The following VTI1A variants were observed in gnomAD, a reference collection of about 807,000 sequenced individuals.
VTI1A encodes vesicle transport through interaction with t-SNAREs homolog 1A.
In VTI1A, 22 loss-of-function variants were observed where a neutral mutation model predicts 34.9. The ratio of observed to expected loss-of-function variants is 0.63; its 90% CI spans 0.45 to 0.90. VTI1A has a LOEUF of 0.90. Among genes scored for constraint, VTI1A ranks in the 40% least tolerant of loss-of-function variants. VTI1A has a pLI of 0.00. For missense variants in VTI1A, 268 were observed against 275.6 expected, an observed-to-expected ratio of 0.97 and a Z score of 0.20; for synonymous variants, 87 against 97.3, an observed-to-expected ratio of 0.89 and a Z score of 0.62.
chr10:112,727,144 C>A (rs1400127861), intron 7 of VTI1A, among the ~76,000 whole-genome samples: 1 of 152,002 alleles, frequency 6.6e-6, no homozygotes. Context: ...TGCAAAAAGG[C>A]CCCCCCATCA....
At chr10:112,851,286 GATA>G in the VTI1A span, among the ~76,000 whole-genome samples, 28 of 152,162 alleles carry the variant, frequency 1.8e-4, no homozygotes, top group Non-Finnish European at 1.3e-4. Flanking sequence ...TTAGGGCAAT[GATA>G]ATGATTGAAA....
chr10:112,848,176 C>T, the VTI1A span, among the ~76,000 whole-genome samples: 1 of 152,232 alleles, frequency 6.6e-6, no homozygotes, highest in East Asian at 1.9e-4. Context: ...CCAGCTCTCC[C>T]AATCCCCTCC....
At chr10:112,502,738 T>G (rs1366875097) in intron 3 of VTI1A, among the ~76,000 whole-genome samples, 1 of 152,200 alleles carries the variant, frequency 6.6e-6, no homozygotes, top group East Asian at 1.9e-4. Context: ...GTCCCCAGCT[T>G]CCTCAAGGAT....
rs573119103 is a variant in VTI1A, at chr10:112,470,402, A to G, written c.264+5745A>G. On this transcript the variant is annotated intron_variant, in intron 3 of 7. Coordinates refer to ENST00000393077, the MANE Select transcript of VTI1A (RefSeq NM_145206.4). ...AAAGTAAGAGACTCAAAGTAGGGCC[A>G]CATAACTGAAGCTTTTATACTGTAG... is the stretch of plus-strand genomic sequence containing the variant. Among the ~76,000 whole-genome samples, 22 of 152,302 alleles carry G rather than the reference A, an allele frequency of 1.4e-4. 1 individual carries two copies. The South Asian group carries it at 2.5e-3, about 17-fold the overall frequency.
Position 112,815,580 on chromosome 10 carries a change from G to T in VTI1A, c.*197G>T. 1.7e-6 allele frequency: 1 copy of T among 575,322 alleles called. No individual in the cohort carries two copies. The highest frequency in any genetic ancestry group is 3.1e-6 in the Non-Finnish European group (1 of 321,200). 35.6% of individuals were successfully genotyped at this position (575,322 alleles called of 1,614,324 possible). A position where few individuals can be genotyped will look rare whatever the true frequency, so the allele number is the denominator to read the frequency against. On this transcript the variant is annotated 3_prime_UTR_variant, in exon 8 of 8. Coordinates refer to ENST00000393077, the MANE Select transcript of VTI1A (RefSeq NM_145206.4). Reference sequence around the variant, plus strand: ...GCATGTGGGTTGGTTTCCTTTTCGAGGTTTGTCTTCACCCAGATTCGTTTT... The same window carrying T: ...GCATGTGGGTTGGTTTCCTTTTCGATGTTTGTCTTCACCCAGATTCGTTTT...
chr10:112,666,196 T>C (rs1000694101), intron 5 of VTI1A, among the ~76,000 whole-genome samples: 1 of 152,182 alleles, frequency 6.6e-6, no homozygotes, highest in Non-Finnish European at 1.5e-5. Context: ...GCCACATATC[T>C]TACCCAATTT....
At chr10:112,653,238 G>C (rs1847103793) in intron 5 of VTI1A, among the ~76,000 whole-genome samples, 1 of 152,198 alleles carries the variant, frequency 6.6e-6, no homozygotes, top group Non-Finnish European at 1.5e-5. Flanking sequence ...AAGTCAGCGA[G>C]AATCAGCCTT....
chr10:112,569,611 A>G (rs1852043116), intron 5 of VTI1A, among the ~76,000 whole-genome samples: 1 of 152,222 alleles, frequency 6.6e-6, no homozygotes, highest in Non-Finnish European at 1.5e-5. Context: ...ATAACTGTAC[A>G]TTAGTGAGGA....
intron 3 of VTI1A, among the ~76,000 whole-genome samples, chr10:112,486,444 G>T (rs748182367): frequency 6.6e-6 from 1 of 152,068 alleles, no homozygotes; most frequent in Non-Finnish European, 1.5e-5. Context: ...ACATGGAAAA[G>T]ACACATTTGG....
At chr10:112,570,576 A>G (rs185742845) in intron 5 of VTI1A, among the ~76,000 whole-genome samples, 121 of 152,350 alleles carry the variant, frequency 7.9e-4, no homozygotes, top group Non-Finnish European at 1.5e-3. Flanking sequence ...AAAGATAGCT[A>G]TTTTAATGAA....
At position 112,697,254 on chromosome 10, in the gene VTI1A, C is replaced by T. The variant is rs188694878; in HGVS notation, c.560+28256C>T. 8.0e-5 allele frequency among the ~76,000 whole-genome samples: 12 copies of T among 150,636 alleles called. No homozygotes were observed. The East Asian group carries it at 1.6e-3, about 20-fold the overall frequency. ...TGTTACCCAGGCTGGAGTGCAATGG[C>T]GCTGTCTCGGCACTCTGCAACCTCC... On this transcript the variant is annotated intron_variant, in intron 7 of 7. Transcript: ENST00000393077.
chr10:112,716,238 A>G (rs1183397982), intron 7 of VTI1A, among the ~76,000 whole-genome samples: 1 of 152,154 alleles, frequency 6.6e-6, no homozygotes, highest in African/African-American at 2.4e-5. Flanking sequence ...AGAGCAAGGA[A>G]TATTTGAAAT....
At chr10:112,802,027 C>T (rs887221891) in intron 7 of VTI1A, among the ~76,000 whole-genome samples, 4 of 152,118 alleles carry the variant, frequency 2.6e-5, no homozygotes, top group Non-Finnish European at 2.9e-5. Context: ...GCAGGAGGAT[C>T]GCTGGAGCCC....
chr10:112,664,284 G>T (rs565851113), intron 5 of VTI1A, among the ~76,000 whole-genome samples: 1 of 152,114 alleles, frequency 6.6e-6, no homozygotes, highest in African/African-American at 2.4e-5. Flanking sequence ...TTTGAGGCTC[G>T]TTCCCTTTCA....
intron 7 of VTI1A, among the ~76,000 whole-genome samples, chr10:112,702,028 G>A (rs1045225070): frequency 6.6e-6 from 1 of 152,134 alleles, no homozygotes; most frequent in Non-Finnish European, 1.5e-5. Flanking sequence ...AAAGGAAAAG[G>A]GAACATACGA....
chr10:112,608,728 G>A (rs899270796), intron 5 of VTI1A, among the ~76,000 whole-genome samples: 6 of 152,098 alleles, frequency 3.9e-5, no homozygotes, highest in Non-Finnish European at 4.4e-5. Flanking sequence ...TGGAATTTCA[G>A]CAGTTAAAAT....
At chr10:112,614,317 G>T (rs1228592489) in intron 5 of VTI1A, among the ~76,000 whole-genome samples, 43 of 152,156 alleles carry the variant, frequency 2.8e-4, no homozygotes, top group Admixed American at 2.8e-3. Flanking sequence ...TCATGCCCTT[G>T]TCACCTAAGG....
chr10:112,697,394 CTTTTCTTTTT>C (rs1473182031), intron 7 of VTI1A, among the ~76,000 whole-genome samples: 1 of 124,726 alleles, frequency 8.0e-6, no homozygotes, highest in African/African-American at 4.1e-5. Context: ...CTTTTCTTTT[CTTTTCTTTTT>C]TTTTTTTTTT....
chr10:112,663,448 A>G (rs1245746616), intron 5 of VTI1A, among the ~76,000 whole-genome samples: 3 of 152,146 alleles, frequency 2.0e-5, no homozygotes, highest in Non-Finnish European at 2.9e-5. Flanking sequence ...TCTTGTTTCC[A>G]TGGGAATGGT....
Sources: allele counts gnomAD v4.1 joint callset (sites outside exome capture counted in the v4.1 genomes callset), GRCh38; gene constraint gnomAD v4.1.1; transcripts MANE v1.5; gene names NCBI Gene and HGNC (gene_info 2026-07-23, HGNC 2026-07-21).